SLC25A53: variants seen among roughly 807,000 people sequenced by gnomAD.
SLC25A53 encodes solute carrier family 25 member 53.
Under a neutral mutation model 15.0 loss-of-function variants are expected in SLC25A53, and 5 were observed. That is an observed-to-expected ratio of 0.33 (90% CI 0.17 to 0.70). The LOEUF (loss-of-function observed/expected upper bound fraction) is 0.70, where lower values mean the gene tolerates loss of function less well. Ranked by LOEUF, SLC25A53 falls within the 30% of genes least tolerant of loss-of-function variation. SLC25A53 has a pLI of 0.67. For synonymous variants in SLC25A53, 95 were observed against 100.0 expected (o/e 0.95, Z 0.30); for missense variants, 216 against 241.6 (o/e 0.89, Z 0.70).
In SLC25A53 at chrX:104,104,753, G is replaced by A. The variant is rs782046940; in HGVS notation, c.505C>T (p.Arg169Trp). 5 of 1,209,327 alleles carry A rather than the reference G, an allele frequency of 4.1e-6. No homozygotes were observed. The highest frequency in any genetic ancestry group is 4.4e-5 in the Admixed American group (2 of 45,698). ...KEFNSYGLWG[R>W]LSLGYYRGFW... ...CCACGATAGTAGCCCAGTGACAGCC[G>A]CCCCCAAAGCCCATAAGAATTGAAT... is the stretch of plus-strand genomic sequence containing the variant. Residue 169 changes from arginine to tryptophan, a missense_variant, in exon 2 of 2, where the codon CGG becomes TGG. By Grantham distance (101) the Arg-to-Trp change is moderately radical. Transcript: ENST00000594199.
At chrX:104,145,006 A>G (rs1300690838) in intron 1 of SLC25A53, among the ~76,000 whole-genome samples, 2 of 112,253 alleles carry the variant, frequency 1.8e-5, no homozygotes, top group African/African-American at 6.5e-5. Flanking sequence ...AACAGAATAT[A>G]CATTCTTCTC....
intron 1 of SLC25A53, among the ~76,000 whole-genome samples, chrX:104,119,243 AT>A (rs1161749263): frequency 4.4e-5 from 5 of 112,444 alleles, no homozygotes; most frequent in Non-Finnish European, 7.5e-5. Context: ...TTATGTATTA[AT>A]TCTTCTTTAA....
At chrX:104,146,856 T>C in intron 1 of SLC25A53, among the ~76,000 whole-genome samples, 1 of 110,851 alleles carries the variant, frequency 9.0e-6, no homozygotes, top group South Asian at 3.8e-4. Flanking sequence ...AGAATCAATA[T>C]CGTGAAAATG....
At chrX:104,109,497 G>T (rs1374766947) in intron 1 of SLC25A53, among the ~76,000 whole-genome samples, 1 of 112,529 alleles carries the variant, frequency 8.9e-6, no homozygotes, top group East Asian at 2.8e-4. Flanking sequence ...TATATTAGCA[G>T]TTTCATTTTT....
At chrX:104,155,163 CT>C (rs782636966) in intron 1 of SLC25A53, among the ~76,000 whole-genome samples, 91 of 102,384 alleles carry the variant, frequency 8.9e-4, no homozygotes, top group Non-Finnish European at 6.9e-4. Flanking sequence ...GGGAGATATT[CT>C]TTTTTTTTTT....
At chrX:104,129,767 T>TTA (rs1351506470) in intron 1 of SLC25A53, among the ~76,000 whole-genome samples, 36 of 106,355 alleles carry the variant, frequency 3.4e-4, no homozygotes, top group Admixed American at 1.6e-3. Flanking sequence ...ATAACTACAT[T>TTA]TATATATATA....
At chrX:104,135,059 C>T (rs912634533) in intron 1 of SLC25A53, among the ~76,000 whole-genome samples, 5 of 111,013 alleles carry the variant, frequency 4.5e-5, no homozygotes, top group African/African-American at 1.6e-4. Context: ...TAACCACTCC[C>T]GTGTTCCCTC....
At chrX:104,126,908 A>G (rs1422836674) in intron 1 of SLC25A53, among the ~76,000 whole-genome samples, 1 of 112,465 alleles carries the variant, frequency 8.9e-6, no homozygotes, top group African/African-American at 3.2e-5. Context: ...GATGTTAGGA[A>G]TATAAAATGG....
At position 104,103,270 on chromosome X, in the gene SLC25A53, T is replaced by C. The variant is rs1345748553; in HGVS notation, c.*1064A>G. On this transcript the variant is annotated 3_prime_UTR_variant, in exon 2 of 2. Coordinates refer to ENST00000594199, the MANE Select transcript of SLC25A53 (RefSeq NM_001012755.5). ...CTGGAAGGATTTTGGTAGACTGGCA[T>C]GTGAAGAAGGAGCACTGCAGGTGGA... 24 of 111,648 alleles carry C rather than the reference T, an allele frequency of 2.1e-4. No homozygotes were observed. Among genetic ancestry groups the C allele is most frequent in the African/African-American group, 6.8e-4 (21 of 30,662 alleles). The allele number at this position is 111,648 out of a possible 1,213,427, so 9.2% of individuals were successfully genotyped here.
rs2075275752 is a variant in SLC25A53 at position 104,100,480 on chromosome X, A to C, written c.*3854T>G. ...TAACATCACTAAACTAAATATTAAC[A>C]TTGACATTTAAAATTACTTGAAAAC... On this transcript the variant is annotated 3_prime_UTR_variant, in exon 2 of 2. Transcript: ENST00000594199. The C allele has an allele frequency of 8.9e-6, 1 of 111,989 alleles. No homozygotes were observed. The highest frequency in any genetic ancestry group is 3.7e-4 in the South Asian group (1 of 2,710). The allele number at this position is 111,989 out of a possible 1,213,427, so 9.2% of individuals were successfully genotyped here.
intron 1 of SLC25A53, among the ~76,000 whole-genome samples, chrX:104,142,299 T>C (rs1212356242): frequency 1.8e-5 from 2 of 112,020 alleles, no homozygotes; most frequent in Middle Eastern, 4.6e-3. Flanking sequence ...ATACATGTCA[T>C]TGGAAATAAC....
At chrX:104,140,677 C>A (rs2147877819) in intron 1 of SLC25A53, among the ~76,000 whole-genome samples, 1 of 111,421 alleles carries the variant, frequency 9.0e-6, no homozygotes. Flanking sequence ...GGAAGTCCAT[C>A]TCTGGGGAAA....
intron 1 of SLC25A53, chrX:104,114,336 G>T: frequency 2.5e-6 from 3 of 1,211,656 alleles, no homozygotes; most frequent in Non-Finnish European, 3.4e-6. Flanking sequence ...TGCCAGATTG[G>T]AGTATGTCTG....
rs139971743 is a variant in SLC25A53, at chrX:104,104,661, G to C, written c.597C>G (p.Ile199Met). 1.3e-3 allele frequency: 1,595 copies of C among 1,209,807 alleles called. 1 individual carries two copies. The highest frequency in any genetic ancestry group is 1.5e-3 in the Non-Finnish European group (1,338 of 895,083). ...GGCCTTGCTCTGCCAGGCCATCCTG[G>C]ATGGGGTCCTTGAAAGAAAAATATA... is the stretch of plus-strand genomic sequence containing the variant. ...SALYFSFKDP[I>M]QDGLAEQGLP... Residue 199 changes from isoleucine to methionine, a missense_variant, in exon 2 of 2, where the codon ATC becomes ATG. By Grantham distance (10) the Ile-to-Met change is conservative (BLOSUM62 1). Transcript: ENST00000594199.
chrX:104,122,301 T>C (rs1421052117), intron 1 of SLC25A53, among the ~76,000 whole-genome samples: 3 of 94,831 alleles, frequency 3.2e-5, no homozygotes, highest in Non-Finnish European at 6.2e-5. Flanking sequence ...ATTTCTTTTT[T>C]TTGTTTTTTT....
Position 104,102,540 on chromosome X carries a change from A to G in SLC25A53, c.*1794T>C, listed in dbSNP as rs1425805919. The G allele has an allele frequency of 8.9e-6, 1 of 112,152 alleles. No homozygotes were observed. The highest frequency in any genetic ancestry group is 1.9e-5 in the Non-Finnish European group (1 of 53,289). The allele number at this position is 112,152 out of a possible 1,213,427, so 9.2% of individuals were successfully genotyped here. ...CAAAACTAAATCAATTATTAAAAGA[A>G]AGCAAAAACACAGCCCAAAGGCACG... On this transcript the variant is annotated 3_prime_UTR_variant, in exon 2 of 2. Coordinates refer to ENST00000594199, the MANE Select transcript of SLC25A53 (RefSeq NM_001012755.5).
In SLC25A53 at chrX:104,100,248, GTTTATA is replaced by G. The variant is rs1374824223; in HGVS notation, c.*4080_*4085del. The G allele has an allele frequency of 9.0e-6, 1 of 111,563 alleles. No individual in the cohort carries two copies. The highest frequency in any genetic ancestry group is 1.9e-5 in the Non-Finnish European group (1 of 53,060). 9.2% of individuals were successfully genotyped at this position (111,563 alleles called of 1,213,427 possible). A position where few individuals can be genotyped will look rare whatever the true frequency, so the allele number is the denominator to read the frequency against. On this transcript the variant is annotated 3_prime_UTR_variant, in exon 2 of 2. Coordinates refer to ENST00000594199, the MANE Select transcript of SLC25A53 (RefSeq NM_001012755.5). ...CTTGAGCTTTATAAAAGCTGATGTA[GTTTATA>G]TTTAGAGAAAAATATATATCACGCA... is the stretch of plus-strand genomic sequence containing the variant.
At chrX:104,107,170 T>C (rs1212282345) in intron 1 of SLC25A53, among the ~76,000 whole-genome samples, 3 of 111,351 alleles carry the variant, frequency 2.7e-5, no homozygotes, top group Non-Finnish European at 5.7e-5. Flanking sequence ...CTATCCCCTT[T>C]GCTCCATCCA....
At chrX:104,113,550 G>A (rs2075360138) in intron 1 of SLC25A53, 1 of 112,504 alleles carries the variant, frequency 8.9e-6, no homozygotes, top group Non-Finnish European at 1.9e-5. Context: ...TAAAATAAAG[G>A]CGAACGCTAG....
Sources: allele counts gnomAD v4.1 joint callset (sites outside exome capture counted in the v4.1 genomes callset), GRCh38; gene constraint gnomAD v4.1.1; transcripts MANE v1.5; gene names NCBI Gene and HGNC (gene_info 2026-07-23, HGNC 2026-07-21).